The following MAML3 variants were observed in gnomAD, a reference collection of about 807,000 sequenced individuals.
MAML3 encodes mastermind like transcriptional coactivator 3, also known as mastermind-like protein 3.
Under a neutral mutation model 101.9 loss-of-function variants are expected in MAML3, and 27 were observed. That is an observed-to-expected ratio of 0.27 (90% CI 0.20 to 0.37). The LOEUF is 0.37. Among genes scored for constraint, MAML3 ranks in the 10% least tolerant of loss-of-function variants. MAML3 has a pLI of 1.00. For synonymous variants in MAML3, 501 were observed against 555.9 expected (o/e 0.90, Z 1.39); for missense variants, 1,316 against 1,444.9 (o/e 0.91, Z 1.45).
At chr4:139,758,408 A>G (rs1729695173) in intron 2 of MAML3, among the ~76,000 whole-genome samples, 1 of 152,188 alleles carries the variant, frequency 6.6e-6, no homozygotes, top group African/African-American at 2.4e-5. Context: ...TTAATATTTT[A>G]AGATATGGCT....
chr4:139,867,738 C>G (rs781556315), intron 2 of MAML3, among the ~76,000 whole-genome samples: 3 of 152,176 alleles, frequency 2.0e-5, no homozygotes, highest in Non-Finnish European at 4.4e-5. Context: ...ATTATTATCA[C>G]TATTTCACAG....
intron 1 of MAML3, 35 bp downstream of exon 1, chr4:140,152,825 C>T (rs1001875844): frequency 6.3e-7 from 1 of 1,586,874 alleles, no homozygotes; most frequent in Non-Finnish European, 8.6e-7. Flanking sequence ...CCACCCCCAA[C>T]GCGCGCCGCA....
chr4:140,089,263 T>G (rs1728006002), intron 1 of MAML3, among the ~76,000 whole-genome samples: 1 of 152,166 alleles, frequency 6.6e-6, no homozygotes, highest in Admixed American at 6.5e-5. Flanking sequence ...AAAATTGTTA[T>G]TATAAGTAAG....
At chr4:140,040,199 C>T (rs1244620622) in intron 1 of MAML3, among the ~76,000 whole-genome samples, 2 of 152,204 alleles carry the variant, frequency 1.3e-5, no homozygotes, top group East Asian at 3.8e-4. Context: ...TCCTTGAAGG[C>T]AGGAATGTTT....
chr4:140,025,708 A>T (rs1726810735), intron 1 of MAML3, among the ~76,000 whole-genome samples: 1 of 152,162 alleles, frequency 6.6e-6, no homozygotes, highest in African/African-American at 2.4e-5. Flanking sequence ...ATTTTACAAC[A>T]CCAGCTGTCA....
At chr4:139,880,395 TGCTGGTTTCCCCTCA>T (rs1642137865) in intron 2 of MAML3, among the ~76,000 whole-genome samples, 1 of 151,974 alleles carries the variant, frequency 6.6e-6, no homozygotes, top group African/African-American at 2.4e-5. Context: ...CCCTTCTGCT[TGCTGGTTTCCCCTCA>T]GCAGGGAAGG....
At chr4:139,757,716 C>T (rs1178544485) in intron 2 of MAML3, among the ~76,000 whole-genome samples, 2 of 151,558 alleles carry the variant, frequency 1.3e-5, no homozygotes, top group African/African-American at 4.8e-5. Flanking sequence ...CCAGCCTCAT[C>T]TGTTGAGGGC....
chr4:140,052,113 G>A (rs1727278431), intron 1 of MAML3, among the ~76,000 whole-genome samples: 1 of 152,120 alleles, frequency 6.6e-6, no homozygotes, highest in Non-Finnish European at 1.5e-5. Context: ...GAATGTGGGA[G>A]GCTTAAGTAA....
rs549451380 is a variant in MAML3, at chr4:139,971,217, T to C, written c.469-80250A>G. Among the ~76,000 whole-genome samples the C allele has an allele frequency of 2.6e-5, 4 of 152,312 alleles. No individual in the cohort carries two copies. In the South Asian group the frequency reaches 8.3e-4, roughly 32 times the overall value. ...TACTAACTCTTCTCACTGTACCTTC[T>C]GGGCTACCTAAACTGCACTGCAACT... On this transcript the variant is annotated intron_variant, in intron 1 of 4. Coordinates refer to ENST00000509479, the MANE Select transcript of MAML3 (RefSeq NM_018717.5).
At chr4:139,824,335 T>C (rs1731024081) in intron 2 of MAML3, among the ~76,000 whole-genome samples, 1 of 152,226 alleles carries the variant, frequency 6.6e-6, no homozygotes, top group East Asian at 1.9e-4. Context: ...TTGAGAATGA[T>C]CTTGAAAGTG....
intron 2 of MAML3, among the ~76,000 whole-genome samples, chr4:139,861,432 TTC>T (rs1173798736): frequency 6.6e-6 from 1 of 151,386 alleles, no homozygotes; most frequent in Non-Finnish European, 1.5e-5. Context: ...CCTATCACTA[TTC>T]TCTGTGTAAG....
chr4:139,730,661 G>A lies in MAML3; in HGVS notation c.2086C>T (p.His696Tyr). The A allele has an allele frequency of 6.2e-7, 1 of 1,611,630 alleles. No individual in the cohort carries two copies. The highest frequency in any genetic ancestry group is 1.1e-5 in the South Asian group (1 of 90,542). Reference protein sequence around the residue: ...AALPSHGQEQHPVGLPRTTGP... With the variant: ...AALPSHGQEQYPVGLPRTTGP... ...GTGGTTCGGGGAAGTCCAACTGGATGCTGCTCCTGGGAAGACAAGAGAGAG... is the reference window on the plus strand; with the variant it reads ...GTGGTTCGGGGAAGTCCAACTGGATACTGCTCCTGGGAAGACAAGAGAGAG... Residue 696 changes from histidine (H) to tyrosine (Y), a missense_variant, in exon 3 of 5, where the codon CAT becomes TAT. His to Tyr is a moderately conservative substitution (Grantham distance 83). Coordinates refer to ENST00000509479, the MANE Select transcript of MAML3 (RefSeq NM_018717.5).
At chr4:139,889,251 C>G in intron 2 of MAML3, 106 bp downstream of exon 2, 1 of 1,603,334 alleles carries the variant, frequency 6.2e-7, no homozygotes, top group Non-Finnish European at 8.5e-7. Context: ...AGGTTTTCTG[C>G]AGGCAATTAG....
intron 1 of MAML3, among the ~76,000 whole-genome samples, chr4:139,986,756 G>A (rs543522983): frequency 6.6e-6 from 1 of 152,184 alleles, no homozygotes; most frequent in Admixed American, 6.5e-5. Context: ...GTTCACTAAA[G>A]CCAGTGGCTC....
chr4:140,086,410 T>C (rs1727952726), intron 1 of MAML3, among the ~76,000 whole-genome samples: 1 of 152,220 alleles, frequency 6.6e-6, no homozygotes, highest in South Asian at 2.1e-4. Context: ...AACAATACAC[T>C]GTCTCGTCGT....
chr4:139,875,683 C>G (rs750345762), intron 2 of MAML3, among the ~76,000 whole-genome samples: 1 of 151,946 alleles, frequency 6.6e-6, no homozygotes, highest in Non-Finnish European at 1.5e-5. Flanking sequence ...TGAATAAGGG[C>G]GTTCCTTTCC....
chr4:139,825,023 G>A (rs560030724), intron 2 of MAML3, among the ~76,000 whole-genome samples: 1 of 152,206 alleles, frequency 6.6e-6, no homozygotes, highest in South Asian at 2.1e-4. Context: ...GCAGCCCCTA[G>A]GCAGCCCCTC....
intron 1 of MAML3, among the ~76,000 whole-genome samples, chr4:140,048,090 C>T (rs914080309): frequency 6.6e-6 from 1 of 152,066 alleles, no homozygotes; most frequent in Non-Finnish European, 1.5e-5. Context: ...TTAGTGTAAA[C>T]GCTGGGAAAA....
rs1227817317 is a variant in MAML3 at position 139,785,069 on chromosome 4, C to G, written c.2080-54402G>C. ...AACATAGCTGTATAACAAAATTACACTTGTACCCCTTACATTTGTACAAAA... is the reference window on the plus strand; with the variant it reads ...AACATAGCTGTATAACAAAATTACAGTTGTACCCCTTACATTTGTACAAAA... On this transcript the variant is annotated intron_variant, in intron 2 of 4. Coordinates refer to ENST00000509479, the MANE Select transcript of MAML3 (RefSeq NM_018717.5). The surrounding 1 kb of genome is among the most constrained non-coding windows in gnomAD (Gnocchi z 4.3). Among the ~76,000 whole-genome samples the G allele has an allele frequency of 6.6e-6, 1 of 152,228 alleles. No homozygotes were observed. The highest frequency in any genetic ancestry group is 1.9e-4 in the East Asian group (1 of 5,194).
Sources: gnomAD v4.1 joint callset for allele counts (sites outside exome capture counted in the v4.1 genomes callset) on GRCh38, gnomAD v4.1.1 for gene constraint, Gnocchi (gnomAD v3.1) non-coding constraint, MANE v1.5 for transcripts, NCBI Gene and HGNC (gene_info 2026-07-23, HGNC 2026-07-21) for gene names.